The following NDUFAF2 variants were observed in gnomAD, a reference collection of about 807,000 sequenced individuals.
NDUFAF2 encodes NADH dehydrogenase [ubiquinone] 1 alpha subcomplex assembly factor 2.
In NDUFAF2, 13 loss-of-function variants were observed where a neutral mutation model predicts 22.8. The observed-to-expected ratio is 0.57, with a 90% CI of 0.37 to 0.91. The LOEUF is 0.91. Among genes scored for constraint, NDUFAF2 ranks in the 40% least tolerant of loss-of-function variants. NDUFAF2 has a pLI of 0.01. For missense variants in NDUFAF2, 162 were observed against 195.2 expected, an observed-to-expected ratio of 0.83 and a Z score of 1.01; for synonymous variants, 53 against 64.2, an observed-to-expected ratio of 0.83 and a Z score of 0.84.
At position 61,124,172 on chromosome 5, in the gene NDUFAF2, G is replaced by C. The variant is rs2613625; in HGVS notation, c.258+25140G>C. On this transcript the variant is annotated intron_variant, in intron 3 of 3. Transcript: ENST00000296597. ...TAACTGACTGACAGATGGTGCAAAG[G>C]ACATGACAAAGAAGAGGCCCATCAT... Among the ~76,000 whole-genome samples, 9 of 151,394 alleles carry C rather than the reference G, an allele frequency of 5.9e-5. No homozygotes were observed. The East Asian group carries it at 1.7e-3, about 29-fold the overall frequency.
At chr5:60,962,133 T>C (rs2112568191) in intron 1 of NDUFAF2, among the ~76,000 whole-genome samples, 1 of 152,094 alleles carries the variant, frequency 6.6e-6, no homozygotes, top group South Asian at 2.1e-4. Context: ...CAATCAAGCT[T>C]AGGCAACATA....
At chr5:61,079,776 C>T (rs1752417821) in intron 2 of NDUFAF2, among the ~76,000 whole-genome samples, 1 of 152,170 alleles carries the variant, frequency 6.6e-6, no homozygotes, top group African/African-American at 2.4e-5. Context: ...TAGCTGTCAC[C>T]CAACTGGTAC....
intron 3 of NDUFAF2, among the ~76,000 whole-genome samples, chr5:61,106,666 C>T (rs1468669315): frequency 2.0e-5 from 3 of 150,712 alleles, no homozygotes; most frequent in Non-Finnish European, 4.4e-5. Context: ...TTTTTGTGCC[C>T]ATTAACCATT....
At chr5:61,044,713 T>C in intron 1 of NDUFAF2, among the ~76,000 whole-genome samples, 1 of 152,126 alleles carries the variant, frequency 6.6e-6, no homozygotes, top group South Asian at 2.1e-4. Flanking sequence ...TACCATGCTG[T>C]TTTGATTACT....
intron 1 of NDUFAF2, among the ~76,000 whole-genome samples, chr5:61,027,530 G>A (rs1016028582): frequency 1.8e-4 from 27 of 151,878 alleles, no homozygotes; most frequent in African/African-American, 6.3e-4. Context: ...TGTGAGAGAA[G>A]TACCACTGTG....
At chr5:61,004,945 CTTA>C (rs143994017) in intron 1 of NDUFAF2, among the ~76,000 whole-genome samples, 60,275 of 151,154 alleles carry the variant, frequency 0.4, 12,883 homozygotes, top group East Asian at 0.81. Flanking sequence ...ATTTATTTTT[CTTA>C]TTATTATAGT....
At chr5:61,117,325 C>T (rs1316450238) in intron 3 of NDUFAF2, among the ~76,000 whole-genome samples, 1 of 152,010 alleles carries the variant, frequency 6.6e-6, no homozygotes, top group East Asian at 1.9e-4. Context: ...CATAACAAGC[C>T]TTTTAGAATG....
At chr5:60,967,695 C>T (rs1430335663) in intron 1 of NDUFAF2, among the ~76,000 whole-genome samples, 2 of 151,836 alleles carry the variant, frequency 1.3e-5, no homozygotes, top group Non-Finnish European at 2.9e-5. Context: ...ATAAATCTCA[C>T]TTGATCATGG....
intron 1 of NDUFAF2, among the ~76,000 whole-genome samples, chr5:60,959,844 T>TA (rs1750661773): frequency 6.6e-6 from 1 of 152,116 alleles, no homozygotes; most frequent in South Asian, 2.1e-4. Context: ...TTCAAATACT[T>TA]ACTGAATTCC....
intron 1 of NDUFAF2, among the ~76,000 whole-genome samples, chr5:60,947,671 C>T (rs572072568): frequency 6.7e-6 from 1 of 149,558 alleles, no homozygotes; most frequent in South Asian, 2.1e-4. Flanking sequence ...GAGGCTAAGG[C>T]AGGAAAATCA....
At chr5:61,047,941 G>T (rs930247748) in intron 1 of NDUFAF2, among the ~76,000 whole-genome samples, 2 of 152,052 alleles carry the variant, frequency 1.3e-5, no homozygotes, top group Admixed American at 6.6e-5. Context: ...TTACTTCATG[G>T]CAGATGGAAT....
chr5:61,064,353 A>C (rs1752203688), intron 1 of NDUFAF2, among the ~76,000 whole-genome samples: 1 of 152,116 alleles, frequency 6.6e-6, no homozygotes, highest in African/African-American at 2.4e-5. Context: ...ACAGAGAATT[A>C]ATAAGGAAAT....
chr5:61,050,769 A>G (rs897217412), intron 1 of NDUFAF2, among the ~76,000 whole-genome samples: 10 of 152,184 alleles, frequency 6.6e-5, no homozygotes, highest in Admixed American at 5.9e-4. Flanking sequence ...AATAAGAAAT[A>G]TCTTCATTAT....
At chr5:61,028,786 A>G (rs1300996774) in intron 1 of NDUFAF2, among the ~76,000 whole-genome samples, 1 of 152,160 alleles carries the variant, frequency 6.6e-6, no homozygotes, top group African/African-American at 2.4e-5. Context: ...CTTTCCAAAA[A>G]GACCTTAGCA....
intron 3 of NDUFAF2, among the ~76,000 whole-genome samples, chr5:61,144,830 A>G (rs1741114842): frequency 6.6e-6 from 1 of 152,128 alleles, no homozygotes; most frequent in Non-Finnish European, 1.5e-5. Context: ...CTCTCTCCCA[A>G]CACATCATTG....
rs1561550081 is a variant in NDUFAF2, at chr5:61,045,195, ATTAAATTTTAATAAAATAAAATAAAG to A, written c.128-27927_128-27902del. ...TTTTAATAAAATAAAATAAAGTTTT[ATTAAATTTTAATAAAATAAAATAAAG>A]TTTTATTAAATTTTAATAAAATAAA... is the stretch of plus-strand genomic sequence containing the variant. On this transcript the variant is annotated intron_variant, in intron 1 of 3. Transcript: ENST00000296597. 6.8e-3 allele frequency among the ~76,000 whole-genome samples: 758 copies of A among 111,792 alleles called. 57 individuals are homozygous for A. Among genetic ancestry groups the A allele is most frequent in the Admixed American group, 8.1e-3 (84 of 10,330 alleles). The allele number at this position is 111,792 out of a possible 152,430, so 73.3% of individuals were successfully genotyped here.
intron 1 of NDUFAF2, among the ~76,000 whole-genome samples, chr5:61,023,545 G>A (rs1561544390): frequency 6.6e-6 from 1 of 152,046 alleles, no homozygotes; most frequent in African/African-American, 2.4e-5. Context: ...GTATCTTTGT[G>A]GGACTATTTA....
chr5:61,122,112 T>C (rs295581), intron 3 of NDUFAF2, among the ~76,000 whole-genome samples: 6,626 of 152,248 alleles, frequency 0.044, 176 homozygotes, highest in South Asian at 0.08. Context: ...ATTACAGGCA[T>C]GAGCCACTGC....
chr5:61,054,931 A>G (rs1003770551), intron 1 of NDUFAF2, among the ~76,000 whole-genome samples: 11 of 152,224 alleles, frequency 7.2e-5, no homozygotes, highest in African/African-American at 2.2e-4. Flanking sequence ...ATAAAGTTAA[A>G]ATAATGAGAG....
Sources: allele counts gnomAD v4.1 joint callset (sites outside exome capture counted in the v4.1 genomes callset), GRCh38; gene constraint gnomAD v4.1.1; transcripts MANE v1.5; gene names NCBI Gene and HGNC (gene_info 2026-07-23, HGNC 2026-07-21).